AKAP6: variants seen among roughly 807,000 people sequenced by gnomAD.
AKAP6 encodes the protein A-kinase anchor protein 6.
In AKAP6, 58 loss-of-function variants were observed where a neutral mutation model predicts 188.5. The observed-to-expected ratio is 0.31, with a 90% CI of 0.25 to 0.38. AKAP6 has a LOEUF of 0.38. AKAP6 is among the 10% of genes least tolerant of loss of function. The probability of loss-of-function intolerance (pLI) is 1.00; values close to 1 mark genes in which losing one functional copy is unlikely to be tolerated. For missense variants in AKAP6, 2,710 were observed against 2,740.0 expected (o/e 0.99, Z 0.24); for synonymous variants, 989 against 998.6 (o/e 0.99, Z 0.18).
At chr14:32,764,231 T>C (rs1366465999) in intron 11 of AKAP6, among the ~76,000 whole-genome samples, 1 of 152,228 alleles carries the variant, frequency 6.6e-6, no homozygotes, top group Non-Finnish European at 1.5e-5. Flanking sequence ...CTGAAGTACT[T>C]ACAACACTGT....
intron 9 of AKAP6, among the ~76,000 whole-genome samples, chr14:32,719,243 C>G (rs1202635435): frequency 6.6e-6 from 1 of 152,170 alleles, no homozygotes; most frequent in Non-Finnish European, 1.5e-5. Flanking sequence ...CCTGGAAATG[C>G]TTTGATCAGC....
chr14:32,584,172 G>A (rs188115761), intron 5 of AKAP6, among the ~76,000 whole-genome samples: 10 of 152,300 alleles, frequency 6.6e-5, no homozygotes, highest in African/African-American at 1.9e-4. Context: ...TATTCGAGGC[G>A]GATGTGTTCC....
chr14:32,694,128 G>A (rs539682405), intron 8 of AKAP6, among the ~76,000 whole-genome samples: 143 of 151,790 alleles, frequency 9.4e-4, no homozygotes, highest in African/African-American at 3.2e-3. Context: ...TTGGGAGGCC[G>A]AGGTGGGCGG....
chr14:32,622,976 A>G (rs1032164497), intron 7 of AKAP6, among the ~76,000 whole-genome samples: 55 of 152,124 alleles, frequency 3.6e-4, no homozygotes, highest in Admixed American at 3.4e-3. Context: ...CGATAGGACC[A>G]TGGGTGCTAC....
rs781198311 is a variant in AKAP6 at position 32,547,019 on chromosome 14, A to T, written c.2346+20A>T. The T allele has an allele frequency of 1.3e-5, 20 of 1,567,244 alleles. No individual in the cohort carries two copies. The South Asian group carries it at 2.0e-4, about 16-fold the overall frequency. ...ATAGAGGTAAGGTGGTTTTCTTAAC[A>T]TGAATGATTTCTCACTTGAGTTTTG... On this transcript the variant is annotated intron_variant, in intron 4 of 13. Coordinates refer to ENST00000280979, the MANE Select transcript of AKAP6 (RefSeq NM_004274.5).
chr14:32,716,513 T>C (rs2139770495), intron 9 of AKAP6, among the ~76,000 whole-genome samples: 1 of 150,424 alleles, frequency 6.6e-6, no homozygotes, highest in South Asian at 2.1e-4. Context: ...TAGTATACAC[T>C]ATGTATTTAG....
At chr14:32,743,343 G>A (rs2031759377) in intron 11 of AKAP6, among the ~76,000 whole-genome samples, 1 of 152,014 alleles carries the variant, frequency 6.6e-6, no homozygotes, top group African/African-American at 2.4e-5. Context: ...CTTTTTATTG[G>A]AGAATTTAGT....
intron 2 of AKAP6, among the ~76,000 whole-genome samples, chr14:32,475,873 A>C (rs1239257815): frequency 1.1e-4 from 16 of 151,390 alleles, no homozygotes; most frequent in Non-Finnish European, 2.2e-4. Context: ...TTAGTAGAGA[A>C]GGGGTTTCAC....
chr14:32,633,575 C>T (rs1489401970), intron 7 of AKAP6, among the ~76,000 whole-genome samples: 1 of 152,052 alleles, frequency 6.6e-6, no homozygotes, highest in Non-Finnish European at 1.5e-5. Flanking sequence ...CTTTAGGAGC[C>T]ATTGCATGTC....
rs767845176 is a variant in AKAP6 at position 32,484,433 on chromosome 14, C to A, written c.324+50616C>A. Reference sequence around the variant, plus strand: ...GGGAGGGTAGACTGTCCAACCTGTTCCGGCGCCGGCTTCCACTATGGCAGA... The same window carrying A: ...GGGAGGGTAGACTGTCCAACCTGTTACGGCGCCGGCTTCCACTATGGCAGA... On this transcript the variant is annotated intron_variant, in intron 2 of 13. Coordinates refer to ENST00000280979, the MANE Select transcript of AKAP6 (RefSeq NM_004274.5). The A allele has an allele frequency of 4.9e-5, 8 of 162,852 alleles. 3 individuals are homozygous for A. The highest frequency in any genetic ancestry group is 7.1e-5 in the Non-Finnish European group (8 of 112,432). 10.1% of individuals were successfully genotyped at this position (162,852 alleles called of 1,614,324 possible).
chr14:32,814,800 C>G (rs2034336298), intron 12 of AKAP6, among the ~76,000 whole-genome samples: 1 of 152,184 alleles, frequency 6.6e-6, no homozygotes, highest in South Asian at 2.1e-4. Context: ...ACAATCATAG[C>G]TCACTACAGC....
intron 1 of AKAP6, among the ~76,000 whole-genome samples, chr14:32,352,090 TG>T: frequency 1.8e-5 from 2 of 114,128 alleles, no homozygotes; most frequent in African/African-American, 4.3e-5. Context: ...TGTGTGTGTG[TG>T]TGTGTGTGTG....
intron 2 of AKAP6, among the ~76,000 whole-genome samples, chr14:32,467,224 A>C (rs879435739): frequency 6.6e-6 from 1 of 150,870 alleles, no homozygotes; most frequent in Non-Finnish European, 1.5e-5. Flanking sequence ...AAAAAAAACA[A>C]AAACAAAAAG....
In AKAP6 at chr14:32,663,891, G is replaced by A. The variant is rs74041653; in HGVS notation, c.2731-14420G>A. ...CCATTGTGTTGTCTTCCTACATAAG[G>A]GGGGGAAATAGTATAATAAATGGAG... On this transcript the variant is annotated intron_variant, in intron 7 of 13. Coordinates refer to ENST00000280979, the MANE Select transcript of AKAP6 (RefSeq NM_004274.5). 5.9e-3 allele frequency among the ~76,000 whole-genome samples: 904 copies of A among 152,138 alleles called. 9 individuals are homozygous for A. The highest frequency in any genetic ancestry group is 0.021 in the African/African-American group (871 of 41,520).
At chr14:32,523,015 T>A (rs146553804) in intron 2 of AKAP6, among the ~76,000 whole-genome samples, 1 of 152,220 alleles carries the variant, frequency 6.6e-6, no homozygotes, top group South Asian at 2.1e-4. Context: ...GATGAGTTCA[T>A]GTCCTTTGTA....
chr14:32,735,623 T>C (rs1489084288), intron 10 of AKAP6, 35 bp from the exon 11 acceptor site: 11 of 1,454,348 alleles, frequency 7.6e-6, no homozygotes, highest in Middle Eastern at 1.9e-4. Flanking sequence ...TTTGTTTGTT[T>C]GTTTTATTTT....
intron 9 of AKAP6, among the ~76,000 whole-genome samples, chr14:32,713,262 G>T (rs2029992001): frequency 6.6e-6 from 1 of 151,986 alleles, no homozygotes; most frequent in South Asian, 2.1e-4. Context: ...AGGCTTTGTT[G>T]TTCCACTGAT....
chr14:32,728,032 G>A (rs892822773), intron 9 of AKAP6, among the ~76,000 whole-genome samples: 4 of 152,076 alleles, frequency 2.6e-5, no homozygotes, highest in Non-Finnish European at 4.4e-5. Context: ...CCTGCACTCC[G>A]CATGGACAGC....
intron 2 of AKAP6, among the ~76,000 whole-genome samples, chr14:32,497,423 C>T (rs1392773737): frequency 1.3e-5 from 2 of 151,972 alleles, no homozygotes; most frequent in African/African-American, 4.8e-5. Flanking sequence ...TGGGGATTTT[C>T]CAAAAGTCTT....
Sources: allele counts gnomAD v4.1 joint callset (sites outside exome capture counted in the v4.1 genomes callset), GRCh38; gene constraint gnomAD v4.1.1; transcripts MANE v1.5; gene names NCBI Gene and HGNC (gene_info 2026-07-23, HGNC 2026-07-21).